Variants in SIGLEC12 observed in about 807,000 individuals in gnomAD.
SIGLEC12 encodes sialic acid-binding Ig-like lectin 12.
A neutral mutation model predicts 54.1 loss-of-function variants in SIGLEC12; 43 were observed. The observed-to-expected ratio is 0.80, with a 90% CI of 0.62 to 1.03. The LOEUF is 1.03. Among genes scored for constraint, SIGLEC12 ranks in the 50% least tolerant of loss-of-function variants. The probability of loss-of-function intolerance (pLI) is 0.00; values close to 1 mark genes in which losing one functional copy is unlikely to be tolerated. For synonymous variants in SIGLEC12, 357 were observed against 307.6 expected (o/e 1.16, Z -1.68); for missense variants, 802 against 735.2 (o/e 1.09, Z -1.05).
At position 51,491,624 on chromosome 19, in the gene SIGLEC12, T is replaced by A. The variant is rs766361523; in HGVS notation, c.*17A>T. On this transcript the variant is annotated 3_prime_UTR_variant, in exon 8 of 8. Transcript: ENST00000291707. ...GGGGTCGTGAGCCCTCAAACAGGCC[T>A]GAGTCTCTGCAGTTTCTCACTTGGG... The A allele has an allele frequency of 4.3e-6, 7 of 1,613,594 alleles. No individual in the cohort carries two copies. The highest frequency in any genetic ancestry group is 5.1e-6 in the Non-Finnish European group (6 of 1,179,700).
rs901447303 is a variant in SIGLEC12 at position 51,501,469 on chromosome 19, TCTC to T, written c.262_264del (p.Glu88del). The T allele has an allele frequency of 1.9e-6, 3 of 1,613,804 alleles. No homozygotes were observed. The highest frequency in any genetic ancestry group is 1.1e-5 in the South Asian group (1 of 91,070). ...CCAAGGAGGTGGAATCGGTCCCGAG[TCTC>T]CTCCTGCACTGCTCGAGCTGGGTTG... On this transcript the variant is annotated inframe_deletion, in exon 1 of 8. Coordinates refer to ENST00000291707, the MANE Select transcript of SIGLEC12 (RefSeq NM_053003.4).
At position 51,495,368 on chromosome 19, in the gene SIGLEC12, GAT is replaced by G. The variant is rs1275408331; in HGVS notation, c.1599+1510_1599+1511del. On this transcript the variant is annotated intron_variant, in intron 7 of 7. Coordinates refer to ENST00000291707, the MANE Select transcript of SIGLEC12 (RefSeq NM_053003.4). ...GGATGGATGGACAGACGGGTGGGTG[GAT>G]GGATGGATGGATGGATGGATGGATG... 5.9e-3 allele frequency among the ~76,000 whole-genome samples: 537 copies of G among 91,148 alleles called. 96 individuals carry two copies. Among genetic ancestry groups the G allele is most frequent in the Non-Finnish European group, 7.2e-3 (313 of 43,554 alleles). The allele number at this position is 91,148 out of a possible 152,430, so 59.8% of individuals were successfully genotyped here.
intron 7 of SIGLEC12, among the ~76,000 whole-genome samples, chr19:51,496,322 G>A (rs1394149893): frequency 6.6e-6 from 1 of 152,020 alleles, no homozygotes; most frequent in Non-Finnish European, 1.5e-5. Context: ...TACAAAATTA[G>A]CCGGGCATGG....
At position 51,500,259 on chromosome 19, in the gene SIGLEC12, CTG is replaced by C. The variant is rs1445241558; in HGVS notation, c.467_468del (p.Pro156ArgfsTer28). On this transcript the variant is annotated frameshift_variant, in exon 2 of 8. Transcript: ENST00000291707. LOFTEE classifies it high-confidence loss of function. Reference protein sequence around the residue: ...DLLSRYRLEVPESVTVQEGLC... With the variant: ...DLLSRYRLEVXESVTVQEGLC... ...AGACCCTCCTGCACAGTCACCGACT[CTG>C]GCACCTCCAGCCTGTATCTTGACAG... 1 of 1,614,206 alleles carries C rather than the reference CTG, an allele frequency of 6.2e-7. No homozygotes were observed. The highest frequency in any genetic ancestry group is 1.3e-5 in the African/African-American group (1 of 75,024).
chr19:51,495,490 C>T lies in SIGLEC12; in HGVS notation c.1599+1390G>A, dbSNP rs542738450. On this transcript the variant is annotated intron_variant, in intron 7 of 7. Coordinates refer to ENST00000291707, the MANE Select transcript of SIGLEC12 (RefSeq NM_053003.4). ...TTGGATGGATGGACGGACGGACAGACGGACAGATGGATGGATGGATGAATG... is the reference window on the plus strand; with the variant it reads ...TTGGATGGATGGACGGACGGACAGATGGACAGATGGATGGATGGATGAATG... Among the ~76,000 whole-genome samples the T allele has an allele frequency of 7.3e-5, 11 of 150,248 alleles. No homozygotes were observed. The South Asian group carries it at 1.3e-3, about 17-fold the overall frequency.
intron 7 of SIGLEC12, among the ~76,000 whole-genome samples, chr19:51,496,446 C>A (rs1990242041): frequency 6.6e-6 from 1 of 152,066 alleles, no homozygotes; most frequent in Non-Finnish European, 1.5e-5. Context: ...GCCTGGGCAA[C>A]AAGATCAAAA....
chr19:51,499,335 C>A (rs1990326610), intron 3 of SIGLEC12, 103 bp downstream of exon 3: 1 of 1,565,088 alleles, frequency 6.4e-7, no homozygotes, highest in Non-Finnish European at 8.7e-7. Flanking sequence ...CCCCCAACTC[C>A]CAGCCAAGAT....
rs777388218 is a variant in SIGLEC12, at chr19:51,491,663, G to A, written c.1766C>T (p.Ser589Phe). The change falls in exon 8 of 8, where the codon TCC (serine) becomes TTC (phenylalanine). Residue 589 changes from serine to phenylalanine, a missense_variant. Physicochemically the swap from Ser to Phe is radical, Grantham distance 155. Coordinates refer to ENST00000291707, the MANE Select transcript of SIGLEC12 (RefSeq NM_053003.4). Reference sequence around the variant, plus strand: ...TTCTCACTTGGGGATGTTGATCTCGGAGTACTCATAGCCGATGGCCTCCTG... The same window carrying A: ...TTCTCACTTGGGGATGTTGATCTCGAAGTACTCATAGCCGATGGCCTCCTG... ...QEQEAIGYEY[S>F]EINIPK 7 of 1,613,930 alleles carry A rather than the reference G, an allele frequency of 4.3e-6. No individual in the cohort carries two copies. Among genetic ancestry groups the A allele is most frequent in the Non-Finnish European group, 5.9e-6 (7 of 1,180,020 alleles).
At chr19:51,493,058 C>T (rs914727495) in intron 7 of SIGLEC12, among the ~76,000 whole-genome samples, 2 of 152,192 alleles carry the variant, frequency 1.3e-5, no homozygotes, top group African/African-American at 4.8e-5. Context: ...TGATTTCACT[C>T]CCCCATTCTG....
chr19:51,493,617 TG>T (rs1417150788), intron 7 of SIGLEC12, among the ~76,000 whole-genome samples: 5 of 152,194 alleles, frequency 3.3e-5, no homozygotes, highest in Non-Finnish European at 7.3e-5. Context: ...ATTCTACCCA[TG>T]GATTGGGGCA....
chr19:51,491,364 T>G lies in SIGLEC12; in HGVS notation c.*277A>C. On this transcript the variant is annotated 3_prime_UTR_variant, in exon 8 of 8. Transcript: ENST00000291707. ...GCCAGGTACAGAGAGACAAACACTC[T>G]ACGATCTCACTATATTTGGAACCTA... is the stretch of plus-strand genomic sequence containing the variant. The G allele has an allele frequency of 2.3e-6, 1 of 426,250 alleles. No individual in the cohort carries two copies. The highest frequency in any genetic ancestry group is 4.3e-6 in the Non-Finnish European group (1 of 234,414). The allele number at this position is 426,250 out of a possible 1,614,324, so 26.4% of individuals were successfully genotyped here.
In SIGLEC12 at chr19:51,497,425, C is replaced by G; in HGVS notation, c.1426G>C (p.Gly476Arg). ...CCCCCGAATGCCCCTAGCGTCACTC[C>G]TGATATAGGCCTCATTTTGCCTGAG... ...EYTGKMRPISGVTLGAFGGAG... is the reference protein window; with the variant it reads ...EYTGKMRPISRVTLGAFGGAG... The change falls in exon 6 of 8, where the codon GGA becomes CGA. Residue 476 changes from glycine (G) to arginine (R), a missense_variant. By Grantham distance (125) the Gly-to-Arg change is moderately radical. Coordinates refer to ENST00000291707, the MANE Select transcript of SIGLEC12 (RefSeq NM_053003.4). 1 of 1,612,136 alleles carries G rather than the reference C, an allele frequency of 6.2e-7. No homozygotes were observed. Among genetic ancestry groups the G allele is most frequent in the Non-Finnish European group, 8.5e-7 (1 of 1,178,536 alleles).
In SIGLEC12 at chr19:51,491,492, C is replaced by A; in HGVS notation, c.*149G>T. On this transcript the variant is annotated 3_prime_UTR_variant, in exon 8 of 8. Transcript: ENST00000291707. ...ATGGAGAAAGGGAGAGTTTGGTCATCAGGCACGCATTTTCAGTTTGACAAG... is the reference window on the plus strand; with the variant it reads ...ATGGAGAAAGGGAGAGTTTGGTCATAAGGCACGCATTTTCAGTTTGACAAG... The A allele has an allele frequency of 1.3e-6, 1 of 746,364 alleles. No homozygotes were observed. Among genetic ancestry groups the A allele is most frequent in the Non-Finnish European group, 2.2e-6 (1 of 458,208 alleles). The allele number at this position is 746,364 out of a possible 1,614,324, so 46.2% of individuals were successfully genotyped here.
In SIGLEC12 at chr19:51,498,013, C is replaced by A; in HGVS notation, c.1405+5G>T. ...TTCTCCTCCTCCAGACCCTCCCCTA[C>A]CCACCTGTGTACTCGTTTTGCAGGG... On this transcript the variant is annotated splice_donor_5th_base_variant and intron_variant, in intron 5 of 7. Transcript: ENST00000291707. 6.2e-7 allele frequency: 1 copy of A among 1,614,144 alleles called. No individual in the cohort carries two copies. The highest frequency in any genetic ancestry group is 1.1e-5 in the South Asian group (1 of 91,076).
intron 5 of SIGLEC12, 93 bp from the exon 6 acceptor site, chr19:51,497,538 C>G (rs1990275011): frequency 1.2e-6 from 1 of 855,030 alleles, no homozygotes; most frequent in African/African-American, 1.7e-5. Flanking sequence ...CTTGGGTACC[C>G]CAGTCCCGCT....
At position 51,500,388 on chromosome 19, in the gene SIGLEC12, C is replaced by T. The variant is rs1262676435; in HGVS notation, c.428-88G>A. The stretch of plus-strand genomic sequence containing the variant: ...GGCAGCAGCATCTCTGAGGCAGAGG[C>T]TTCCTGGGCTCCCTGTGTGAGCAGA... On this transcript the variant is annotated intron_variant, in intron 1 of 7. Coordinates refer to ENST00000291707, the MANE Select transcript of SIGLEC12 (RefSeq NM_053003.4). 3.1e-6 allele frequency: 5 copies of T among 1,605,906 alleles called. 1 individual carries two copies. The South Asian group carries it at 4.4e-5, about 14-fold the overall frequency.
chr19:51,499,528 G>A lies in SIGLEC12; in HGVS notation c.997C>T (p.Pro333Ser), dbSNP rs1568531440. 6.2e-7 allele frequency: 1 copy of A among 1,610,966 alleles called. No individual in the cohort carries two copies. Among genetic ancestry groups the A allele is most frequent in the Admixed American group, 1.7e-5 (1 of 59,522 alleles). ...RSSMLSLIPQ[P>S]QDHGTSLTCQ... ...GTGAGGCTGGTGCCATGGTCCTGGG[G>A]CTGTGGGATGAGGCTGAGCATCGAG... Residue 333 changes from proline to serine, a missense_variant, in exon 3 of 8, where the codon CCC becomes TCC. Transcript: ENST00000291707.
chr19:51,499,493 C>A lies in SIGLEC12; in HGVS notation c.1032G>T (p.Val344=), dbSNP rs1360229879. ...QDHGTSLTCQ[V]TLPGAGVTMT... ...TGGTCACGCCGGCCCCAGGCAAGGT[C>A]ACCTGACAGGTGAGGCTGGTGCCAT... Residue 344 remains valine, a synonymous_variant, in exon 3 of 8, where the codon GTG becomes GTT. Coordinates refer to ENST00000291707, the MANE Select transcript of SIGLEC12 (RefSeq NM_053003.4). 4 of 1,607,146 alleles carry A rather than the reference C, an allele frequency of 2.5e-6. No homozygotes were observed. In the Admixed American group the frequency reaches 6.8e-5, roughly 27 times the overall value.
At chr19:51,495,402 T>C (rs1241922590) in intron 7 of SIGLEC12, among the ~76,000 whole-genome samples, 19 of 54,642 alleles carry the variant, frequency 3.5e-4, no homozygotes, top group African/African-American at 1.3e-3. Context: ...GATGGATGGG[T>C]GGGTGGGTGG....
Sources: gnomAD v4.1 joint callset for allele counts (sites outside exome capture counted in the v4.1 genomes callset) on GRCh38, gnomAD v4.1.1 for gene constraint, MANE v1.5 for transcripts, NCBI Gene and HGNC (gene_info 2026-07-23, HGNC 2026-07-21) for gene names.